Variants in BNC2 observed in about 807,000 individuals in gnomAD.
The protein encoded by BNC2 is basonuclin zinc finger protein 2, also known as zinc finger protein basonuclin-2.
BNC2 carries 20 observed loss-of-function variants against 76.3 expected under a neutral mutation model. The observed-to-expected ratio is 0.26, with a 90% CI of 0.18 to 0.38. BNC2 has a LOEUF of 0.38. Among genes scored for constraint, BNC2 ranks in the 10% least tolerant of loss-of-function variants. The pLI, the probability that BNC2 is intolerant of heterozygous loss-of-function variation, is 1.00. For synonymous variants in BNC2, 582 were observed against 514.8 expected (o/e 1.13, Z -1.77); for missense variants, 1,382 against 1,399.8 (o/e 0.99, Z 0.20).
intron 1 of BNC2, among the ~76,000 whole-genome samples, chr9:16,796,961 C>T (rs980970490): frequency 6.6e-6 from 1 of 152,096 alleles, no homozygotes; most frequent in African/African-American, 2.4e-5. Context: ...GGGGCTTCTA[C>T]GATATGGCAC....
intron 3 of BNC2, among the ~76,000 whole-genome samples, chr9:16,617,475 C>A (rs1320555000): frequency 2.0e-5 from 3 of 151,348 alleles, no homozygotes; most frequent in Non-Finnish European, 4.4e-5. Flanking sequence ...CCAAGAGAAT[C>A]CCCACAAAGC....
intron 3 of BNC2, among the ~76,000 whole-genome samples, chr9:16,587,946 A>G (rs1819818454): frequency 6.6e-6 from 1 of 152,134 alleles, no homozygotes; most frequent in Non-Finnish European, 1.5e-5. Context: ...TGAATATTAT[A>G]TTTATTGGTG....
intron 3 of BNC2, among the ~76,000 whole-genome samples, chr9:16,603,977 C>T (rs1820311833): frequency 6.6e-6 from 1 of 151,850 alleles, no homozygotes. Flanking sequence ...CAAAAAGATA[C>T]AAAAGAATGT....
rs77167264 is a variant in BNC2, at chr9:16,605,622, T to C, written c.331-22537A>G. Among the ~76,000 whole-genome samples, 554 of 152,274 alleles carry C rather than the reference T, an allele frequency of 3.6e-3. 1 individual carries two copies. The highest frequency in any genetic ancestry group is 0.012 in the African/African-American group (478 of 41,546). On this transcript the variant is annotated intron_variant, in intron 3 of 6. Transcript: ENST00000380672. ...AGATGGACTGAATGGAAGCTTTTCT[T>C]ATTGCCAAAGAAAGAACTCAAAGTG... is the stretch of plus-strand genomic sequence containing the variant.
intron 3 of BNC2, among the ~76,000 whole-genome samples, chr9:16,676,488 A>G (rs7871223): frequency 0.1 from 15,841 of 152,288 alleles, 899 homozygotes; most frequent in East Asian, 0.18. Context: ...TACTTCTTAC[A>G]TTAATACTGG....
At chr9:16,487,033 G>C (rs767316328) in intron 5 of BNC2, among the ~76,000 whole-genome samples, 3 of 152,124 alleles carry the variant, frequency 2.0e-5, no homozygotes, top group Non-Finnish European at 4.4e-5. Context: ...TCTCATTTTT[G>C]CCTTTTAAAT....
intron 4 of BNC2, among the ~76,000 whole-genome samples, chr9:16,575,000 C>T (rs1039127502): frequency 6.6e-6 from 1 of 152,190 alleles, no homozygotes; most frequent in Non-Finnish European, 1.5e-5. Flanking sequence ...GTGTTGAAGT[C>T]TTACTTTTAT....
At chr9:16,805,925 G>T (rs1817898619) in intron 1 of BNC2, among the ~76,000 whole-genome samples, 1 of 152,144 alleles carries the variant, frequency 6.6e-6, no homozygotes, top group Non-Finnish European at 1.5e-5. Flanking sequence ...AATTTTTAGT[G>T]TAACAGTATA....
intron 1 of BNC2, among the ~76,000 whole-genome samples, chr9:16,790,723 T>C (rs1817481600): frequency 6.6e-6 from 1 of 152,072 alleles, no homozygotes; most frequent in Non-Finnish European, 1.5e-5. Context: ...ACTTCATAAC[T>C]GACTTTGATA....
chr9:16,837,333 G>GT (rs1563964814), intron 1 of BNC2, among the ~76,000 whole-genome samples: 1 of 151,946 alleles, frequency 6.6e-6, no homozygotes, highest in Non-Finnish European at 1.5e-5. Flanking sequence ...GTGAAATCCC[G>GT]TCTCTACTAA....
In BNC2 at chr9:16,693,767, G is replaced by C. The variant is rs553917774; in HGVS notation, c.330+34030C>G. Among the ~76,000 whole-genome samples the C allele has an allele frequency of 3.3e-5, 5 of 152,310 alleles. No homozygotes were observed. In the South Asian group the frequency reaches 1.0e-3, roughly 32 times the overall value. ...AAGCCAGGAAAGGAAAAGCTTACGA[G>C]AAAAAGCCAAAATGAGCAAGCAGCT... On this transcript the variant is annotated intron_variant, in intron 3 of 6. Coordinates refer to ENST00000380672, the MANE Select transcript of BNC2 (RefSeq NM_017637.6).
At chr9:16,691,677 T>C (rs2134427012) in intron 3 of BNC2, among the ~76,000 whole-genome samples, 1 of 151,774 alleles carries the variant, frequency 6.6e-6, no homozygotes, top group East Asian at 1.9e-4. Flanking sequence ...GCCCAGCTAA[T>C]TTTTTGTATT....
At chr9:16,469,624 G>A (rs1028876961) in intron 5 of BNC2, among the ~76,000 whole-genome samples, 22 of 152,298 alleles carry the variant, frequency 1.4e-4, no homozygotes, top group East Asian at 9.6e-4. Context: ...AAAGACACCC[G>A]AAAATGTGAA....
chr9:16,751,632 A>ATATATATGTG (rs1586854630), intron 1 of BNC2, among the ~76,000 whole-genome samples: 8 of 45,838 alleles, frequency 1.7e-4, no homozygotes, highest in East Asian at 1.1e-3. Flanking sequence ...ATATATATGT[A>ATATATATGTG]TGTATATATG....
At chr9:16,664,704 C>CAAAAAAAAAAAAAAAA (rs60928607) in intron 3 of BNC2, among the ~76,000 whole-genome samples, 1 of 147,598 alleles carries the variant, frequency 6.8e-6, no homozygotes. Context: ...AAAACAAAAA[C>CAAAAAAAAAAAAAAAA]AAAAAAAACA....
At chr9:16,839,775 C>T (rs955224984) in intron 1 of BNC2, among the ~76,000 whole-genome samples, 1 of 152,160 alleles carries the variant, frequency 6.6e-6, no homozygotes, top group East Asian at 1.9e-4. Context: ...CCAAGAAAAA[C>T]GTAATTTCCA....
intron 5 of BNC2, among the ~76,000 whole-genome samples, chr9:16,488,981 C>T (rs1289868560): frequency 6.6e-6 from 1 of 152,090 alleles, no homozygotes; most frequent in East Asian, 1.9e-4. Context: ...TCAGTATAAA[C>T]CTATACACTA....
chr9:16,491,102 C>G (rs1218373912), intron 5 of BNC2, among the ~76,000 whole-genome samples: 1 of 152,136 alleles, frequency 6.6e-6, no homozygotes, highest in Non-Finnish European at 1.5e-5. Context: ...AGAATAGAGA[C>G]TGATACCTGA....
At chr9:16,842,991 A>G (rs1371578991) in intron 1 of BNC2, among the ~76,000 whole-genome samples, 2 of 152,164 alleles carry the variant, frequency 1.3e-5, no homozygotes, top group Non-Finnish European at 2.9e-5. Flanking sequence ...ACCTCAAGTG[A>G]AGGCCTGAAC....
Sources: allele counts gnomAD v4.1 joint callset (sites outside exome capture counted in the v4.1 genomes callset), GRCh38; gene constraint gnomAD v4.1.1; transcripts MANE v1.5; gene names NCBI Gene and HGNC (gene_info 2026-07-23, HGNC 2026-07-21).